The following HIBADH variants were observed in gnomAD, a reference collection of about 807,000 sequenced individuals.
HIBADH encodes the protein 3-hydroxyisobutyrate dehydrogenase.
A neutral mutation model predicts 36.1 loss-of-function variants in HIBADH; 25 were observed. The observed-to-expected ratio is 0.69, with a 90% CI of 0.50 to 0.97. The LOEUF (loss-of-function observed/expected upper bound fraction) is 0.97, where lower values mean the gene tolerates loss of function less well. HIBADH is among the 50% of genes least tolerant of loss of function. HIBADH has a pLI of 0.00. For missense variants in HIBADH, 421 were observed against 418.0 expected (o/e 1.01, Z -0.06); for synonymous variants, 160 against 149.5 (o/e 1.07, Z -0.51).
At chr7:27,647,245 G>A (rs1211573341) in intron 2 of HIBADH, among the ~76,000 whole-genome samples, 1 of 152,146 alleles carries the variant, frequency 6.6e-6, no homozygotes, top group Non-Finnish European at 1.5e-5. Flanking sequence ...TGGAGACGCT[G>A]GACAAAGGGA....
chr7:27,543,480 T>G (rs1784189330), intron 4 of HIBADH, among the ~76,000 whole-genome samples: 1 of 151,560 alleles, frequency 6.6e-6, no homozygotes. Flanking sequence ...ACCTGGGCCC[T>G]GATCAGCAAA....
At position 27,567,650 on chromosome 7, in the gene HIBADH, C is replaced by A. The variant is rs186113643; in HGVS notation, c.485-24550G>T. Among the ~76,000 whole-genome samples the A allele has an allele frequency of 3.3e-5, 5 of 151,912 alleles. No individual in the cohort carries two copies. In the South Asian group the frequency reaches 1.0e-3, roughly 32 times the overall value. Reference sequence around the variant, plus strand: ...CATCTTTGTATAGGGTGTGTGTGTGCGTGCGTGCACACGTGTGTGACTGAC... The same window carrying A: ...CATCTTTGTATAGGGTGTGTGTGTGAGTGCGTGCACACGTGTGTGACTGAC... On this transcript the variant is annotated intron_variant, in intron 4 of 7. Coordinates refer to ENST00000265395, the MANE Select transcript of HIBADH (RefSeq NM_152740.4).
chr7:27,546,679 AGTGAAT>A (rs1784238988), intron 4 of HIBADH, among the ~76,000 whole-genome samples: 1 of 152,204 alleles, frequency 6.6e-6, no homozygotes, highest in Non-Finnish European at 1.5e-5. Flanking sequence ...CTGGCAGCAT[AGTGAAT>A]GGGAAAGACA....
intron 6 of HIBADH, among the ~76,000 whole-genome samples, chr7:27,534,083 G>A (rs1043804370): frequency 6.6e-5 from 10 of 152,226 alleles, no homozygotes; most frequent in Admixed American, 1.3e-4. Flanking sequence ...TCAAATAAAC[G>A]TCACTGTGTC....
chr7:27,543,580 T>C (rs999481575), intron 4 of HIBADH, among the ~76,000 whole-genome samples: 2 of 152,196 alleles, frequency 1.3e-5, no homozygotes, highest in Non-Finnish European at 2.9e-5. Context: ...ATAAGTGAGA[T>C]CTACAAAGAG....
intron 4 of HIBADH, among the ~76,000 whole-genome samples, chr7:27,600,219 C>T (rs1490596432): frequency 6.6e-6 from 1 of 152,062 alleles, no homozygotes; most frequent in Non-Finnish European, 1.5e-5. Context: ...TTTAAAGTTA[C>T]AGCCTCTATC....
chr7:27,589,046 C>T (rs1036589231), intron 4 of HIBADH, among the ~76,000 whole-genome samples: 2 of 152,178 alleles, frequency 1.3e-5, no homozygotes, highest in African/African-American at 2.4e-5. Flanking sequence ...GAACTATCTG[C>T]ATTTGCAGGG....
intron 1 of HIBADH, among the ~76,000 whole-genome samples, chr7:27,650,701 C>A (rs1562659831): frequency 3.3e-5 from 4 of 119,728 alleles, no homozygotes; most frequent in African/African-American, 3.5e-5. Flanking sequence ...CCATGTTGAC[C>A]AGGCTGCCAT....
Position 27,648,406 on chromosome 7 carries a change from T to C in HIBADH, c.252+1067A>G, listed in dbSNP as rs1786116438. Among the ~76,000 whole-genome samples the C allele has an allele frequency of 2.0e-5, 3 of 152,150 alleles. No individual in the cohort carries two copies. The South Asian group carries it at 6.2e-4, about 32-fold the overall frequency. On this transcript the variant is annotated intron_variant, in intron 2 of 7. Coordinates refer to ENST00000265395, the MANE Select transcript of HIBADH (RefSeq NM_152740.4). ...CAATTTCCATATGGCACAAAAACCA[T>C]GGAAAGGAAAAAGATTCAGATATAT...
chr7:27,648,247 A>G (rs1786112795), intron 2 of HIBADH, among the ~76,000 whole-genome samples: 1 of 152,182 alleles, frequency 6.6e-6, no homozygotes, highest in Admixed American at 6.5e-5. Flanking sequence ...CTAAGTCCCT[A>G]CATTAATTAA....
intron 4 of HIBADH, among the ~76,000 whole-genome samples, chr7:27,604,054 A>G (rs927962911): frequency 8.5e-5 from 13 of 152,110 alleles, no homozygotes; most frequent in Admixed American, 7.2e-4. Flanking sequence ...TGCCTTTTAT[A>G]TCTATGTGGA....
At chr7:27,561,754 A>T (rs988791551) in intron 4 of HIBADH, among the ~76,000 whole-genome samples, 6 of 152,108 alleles carry the variant, frequency 3.9e-5, no homozygotes, top group African/African-American at 1.4e-4. Flanking sequence ...GTGGTTCTAC[A>T]ATTTTTTGCT....
intron 4 of HIBADH, among the ~76,000 whole-genome samples, chr7:27,552,851 C>G (rs1784336529): frequency 6.6e-6 from 1 of 152,154 alleles, no homozygotes; most frequent in South Asian, 2.1e-4. Flanking sequence ...TAATGAAAGT[C>G]ACTGCAGCAG....
rs558627315 is a variant in HIBADH, at chr7:27,568,188, G to A, written c.485-25088C>T. 3.3e-5 allele frequency among the ~76,000 whole-genome samples: 5 copies of A among 152,274 alleles called. No homozygotes were observed. In the South Asian group the frequency reaches 1.0e-3, roughly 32 times the overall value. On this transcript the variant is annotated intron_variant, in intron 4 of 7. Transcript: ENST00000265395. Reference sequence around the variant, plus strand: ...CTCTGGTATCAGTTTCCTTTTACCTGAAGAAGTTCCTTTATCCTTTTTTTG... The same window carrying A: ...CTCTGGTATCAGTTTCCTTTTACCTAAAGAAGTTCCTTTATCCTTTTTTTG...
intron 4 of HIBADH, among the ~76,000 whole-genome samples, chr7:27,572,096 T>C (rs751982595): frequency 6.1e-4 from 93 of 152,162 alleles, no homozygotes; most frequent in Non-Finnish European, 9.7e-4. Flanking sequence ...AGGGCCTAGG[T>C]TTCCATTACC....
At chr7:27,528,347 G>A (rs1054568811) in intron 7 of HIBADH, among the ~76,000 whole-genome samples, 1 of 152,194 alleles carries the variant, frequency 6.6e-6, no homozygotes, top group African/African-American at 2.4e-5. Context: ...ATTAAGCTTA[G>A]TGAGGAAGGC....
chr7:27,610,581 C>CTACT (rs2128291773), intron 4 of HIBADH, among the ~76,000 whole-genome samples: 1 of 152,266 alleles, frequency 6.6e-6, no homozygotes, highest in East Asian at 1.9e-4. Context: ...ACATACAAGA[C>CTACT]TACTGTATAA....
At chr7:27,535,527 T>C (rs1784059856) in intron 6 of HIBADH, among the ~76,000 whole-genome samples, 1 of 152,148 alleles carries the variant, frequency 6.6e-6, no homozygotes, top group South Asian at 2.1e-4. Context: ...CCAAAAATTT[T>C]TTTTTAAAAT....
chr7:27,656,702 T>G (rs987905252), intron 1 of HIBADH, among the ~76,000 whole-genome samples: 6 of 152,210 alleles, frequency 3.9e-5, no homozygotes, highest in Admixed American at 3.9e-4. Flanking sequence ...TTATAACCTT[T>G]CCCATTTTTT....
Sources: gnomAD v4.1 joint callset for allele counts (sites outside exome capture counted in the v4.1 genomes callset) on GRCh38, gnomAD v4.1.1 for gene constraint, MANE v1.5 for transcripts, NCBI Gene and HGNC (gene_info 2026-07-23, HGNC 2026-07-21) for gene names.